Variants in PRIM2 observed in about 807,000 individuals in gnomAD.
The protein encoded by PRIM2 is DNA primase large subunit.
Under a neutral mutation model 67.3 loss-of-function variants are expected in PRIM2, and 39 were observed. That is an observed-to-expected ratio of 0.58 (90% CI 0.45 to 0.76). PRIM2 has a LOEUF of 0.76. PRIM2 is among the 30% of genes least tolerant of loss of function. PRIM2 has a pLI of 0.00. For missense variants in PRIM2, 398 were observed against 598.7 expected (o/e 0.66, Z 3.50); for synonymous variants, 143 against 198.7 (o/e 0.72, Z 2.36).
intron 7 of PRIM2, among the ~76,000 whole-genome samples, chr6:57,413,657 G>A (rs185250006): frequency 1.3e-5 from 2 of 152,246 alleles, no homozygotes; most frequent in Non-Finnish European, 1.5e-5. Flanking sequence ...AGGAGGGGCT[G>A]TAGCAAATTC....
At chr6:57,394,412 TA>T (rs1765395401) in intron 7 of PRIM2, among the ~76,000 whole-genome samples, 1 of 152,164 alleles carries the variant, frequency 6.6e-6, no homozygotes, top group Non-Finnish European at 1.5e-5. Flanking sequence ...TATTTTATTT[TA>T]TTTTTTTGCA....
At chr6:57,463,588 T>C (rs1773082580) in intron 7 of PRIM2, among the ~76,000 whole-genome samples, 1 of 152,174 alleles carries the variant, frequency 6.6e-6, no homozygotes, top group African/African-American at 2.4e-5. Context: ...GGTTCTATGA[T>C]TCAAAAAACC....
chr6:57,266,977 T>A, the PRIM2 span, among the ~76,000 whole-genome samples: 1 of 152,240 alleles, frequency 6.6e-6, no homozygotes. Flanking sequence ...TTTTAACTAT[T>A]TTGACTTTTA....
upstream of PRIM2, among the ~76,000 whole-genome samples, chr6:57,316,346 A>G (rs1729488518): frequency 6.6e-6 from 1 of 152,118 alleles, no homozygotes; most frequent in Non-Finnish European, 1.5e-5. Flanking sequence ...CCGGAGGCGG[A>G]GGTTGCAGTG....
chr6:57,471,641 C>T (rs1484234555), intron 7 of PRIM2, among the ~76,000 whole-genome samples: 4 of 152,138 alleles, frequency 2.6e-5, no homozygotes, highest in Non-Finnish European at 5.9e-5. Flanking sequence ...CAGTATAGGG[C>T]AGATCAAGTG....
rs1264015110 is a variant in PRIM2, at chr6:57,594,999, G to T, written c.1021-6094G>T. Among the ~76,000 whole-genome samples the T allele has an allele frequency of 2.0e-5, 3 of 152,072 alleles. No homozygotes were observed. The East Asian group carries it at 5.8e-4, about 29-fold the overall frequency. ...ATTTCATAAAATAAGGAATATCACTGGTCAAAAAGCACATGAAAAAGTGCT... is the reference window on the plus strand; with the variant it reads ...ATTTCATAAAATAAGGAATATCACTTGTCAAAAAGCACATGAAAAAGTGCT... On this transcript the variant is annotated intron_variant, in intron 10 of 13. Transcript: ENST00000615550.
chr6:57,596,689 GTC>G (rs1233212041), intron 10 of PRIM2, among the ~76,000 whole-genome samples: 1 of 134,596 alleles, frequency 7.4e-6, no homozygotes, highest in African/African-American at 2.6e-5. Flanking sequence ...CTCTTATTCT[GTC>G]TCTCTTTCTT....
intron 7 of PRIM2, among the ~76,000 whole-genome samples, chr6:57,484,827 A>G (rs1260141993): frequency 6.6e-6 from 1 of 152,052 alleles, no homozygotes; most frequent in East Asian, 1.9e-4. Flanking sequence ...TTTGGTCCCA[A>G]CCTTCCCTTA....
chr6:57,483,345 A>G (rs1467106350), intron 7 of PRIM2, among the ~76,000 whole-genome samples: 2 of 152,248 alleles, frequency 1.3e-5, no homozygotes, highest in Non-Finnish European at 2.9e-5. Flanking sequence ...CAAGAAAGGA[A>G]TGCCAACAGC....
At chr6:57,291,816 G>A in the PRIM2 span, among the ~76,000 whole-genome samples, 16 of 151,962 alleles carry the variant, frequency 1.1e-4, no homozygotes, top group African/African-American at 1.7e-4. Flanking sequence ...CTAAAAACTC[G>A]CAATAAACTA....
Position 57,348,903 on chromosome 6 carries a change from C to T in PRIM2, c.459+22858C>T, listed in dbSNP as rs1158991445. The stretch of plus-strand genomic sequence containing the variant: ...CTGGGACTATAGGTGTGTGCCACCC[C>T]GACCAGCTAATTTTTGTATTTTTAG... On this transcript the variant is annotated intron_variant, in intron 5 of 13. Coordinates refer to ENST00000615550, the MANE Select transcript of PRIM2 (RefSeq NM_000947.5). Among the ~76,000 whole-genome samples the T allele has an allele frequency of 2.0e-5, 3 of 151,878 alleles. 1 individual carries two copies. The highest frequency in any genetic ancestry group is 4.4e-5 in the Non-Finnish European group (3 of 67,964).
chr6:57,626,311 T>C (rs1179997873), intron 12 of PRIM2, among the ~76,000 whole-genome samples: 1 of 152,200 alleles, frequency 6.6e-6, no homozygotes, highest in South Asian at 2.1e-4. Context: ...AGTTATAAAA[T>C]GTTGTGTGTG....
chr6:57,316,337 C>G (rs1169047048), upstream of PRIM2, among the ~76,000 whole-genome samples: 1 of 152,028 alleles, frequency 6.6e-6, no homozygotes, highest in Admixed American at 6.6e-5. Flanking sequence ...GCTTGAATCC[C>G]GGAGGCGGAG....
At position 57,379,989 on chromosome 6, in the gene PRIM2, T is replaced by G; in HGVS notation, c.548T>G (p.Ile183Ser). The change falls in exon 6 of 14, where the codon ATT (isoleucine) becomes AGT (serine). Residue 183 changes from isoleucine (I) to serine (S), a missense_variant. Around this residue, in one of 4 missense-constraint regions of PRIM2, gnomAD observed 229 missense variants for 383.6 expected, o/e 0.60. Transcript: ENST00000615550. ...GGACTTAAGTTGGGGTTCGAGTCCA[T>G]TTATAAGGTATGTAAACATGTAAAA... ...LSGLKLGFESIYKIPFADALD... is the reference protein window; with the variant it reads ...LSGLKLGFESSYKIPFADALD... 6.4e-7 allele frequency: 1 copy of G among 1,554,316 alleles called. No homozygotes were observed. The highest frequency in any genetic ancestry group is 2.4e-5 in the East Asian group (1 of 41,530).
intron 5 of PRIM2, among the ~76,000 whole-genome samples, chr6:57,330,348 G>GTTTTTTTTTTTTTT (rs1238317111): frequency 2.1e-4 from 18 of 87,774 alleles, no homozygotes; most frequent in African/African-American, 3.0e-4. Context: ...TGCTGAACTT[G>GTTTTTTTTTTTTTT]TTTTTTTTTT....
At chr6:57,486,264 C>A (rs1407100137) in intron 7 of PRIM2, among the ~76,000 whole-genome samples, 3 of 152,140 alleles carry the variant, frequency 2.0e-5, no homozygotes, top group Non-Finnish European at 4.4e-5. Context: ...GTCATTTAAC[C>A]CATTTATGCA....
At chr6:57,302,196 A>G in the PRIM2 span, among the ~76,000 whole-genome samples, 1 of 152,246 alleles carries the variant, frequency 6.6e-6, no homozygotes, top group Admixed American at 6.5e-5. Context: ...TTAAATATTA[A>G]TATCTGCTAA....
chr6:57,598,069 G>C (rs1209099411), intron 10 of PRIM2, among the ~76,000 whole-genome samples: 3 of 152,128 alleles, frequency 2.0e-5, no homozygotes, highest in African/African-American at 7.2e-5. Flanking sequence ...TTATTAGAGT[G>C]AGAACCTTGA....
chr6:57,645,911 A>G lies in PRIM2; in HGVS notation c.1300-17A>G, dbSNP rs1777326133. On this transcript the variant is annotated splice_polypyrimidine_tract_variant and intron_variant, in intron 13 of 13. Transcript: ENST00000615550. The stretch of plus-strand genomic sequence containing the variant: ...TTTGCCATGCATTAATGCAATATAA[A>G]TTTCCTTCCTTTACAGGTGGATGAT... 9 of 1,332,782 alleles carry G rather than the reference A, an allele frequency of 6.8e-6. No individual in the cohort carries two copies. The Admixed American group carries it at 1.7e-4, about 25-fold the overall frequency. The allele number at this position is 1,332,782 out of a possible 1,614,324, so 82.6% of individuals were successfully genotyped here. A position where few individuals can be genotyped will look rare whatever the true frequency, so the allele number is the denominator to read the frequency against.
Sources: gnomAD v4.1 joint callset for allele counts (sites outside exome capture counted in the v4.1 genomes callset) on GRCh38, gnomAD v4.1.1 for gene constraint, gnomAD v4.1.1 regional missense constraint, MANE v1.5 for transcripts, NCBI Gene and HGNC (gene_info 2026-07-23, HGNC 2026-07-21) for gene names.